PRKCB: variants seen among roughly 807,000 people sequenced by gnomAD.
PRKCB encodes protein kinase C beta.
A neutral mutation model predicts 81.5 loss-of-function variants in PRKCB; 13 were observed. The observed-to-expected ratio is 0.16, with a 90% CI of 0.10 to 0.25. PRKCB has a LOEUF of 0.25. Among genes scored for constraint, PRKCB ranks in the 10% least tolerant of loss-of-function variants. The pLI, the probability that PRKCB is intolerant of heterozygous loss-of-function variation, is 1.00. For synonymous variants in PRKCB, 335 were observed against 321.4 expected, an observed-to-expected ratio of 1.04 and a Z score of -0.45; for missense variants, 509 against 875.7, an observed-to-expected ratio of 0.58 and a Z score of 5.29.
At chr16:23,920,514 T>C (rs920795670) in intron 2 of PRKCB, among the ~76,000 whole-genome samples, 2 of 152,238 alleles carry the variant, frequency 1.3e-5, no homozygotes, top group Non-Finnish European at 1.5e-5. Context: ...TCATAAAATA[T>C]CATGCATCTT....
chr16:24,127,299 C>G (rs1966846233), intron 9 of PRKCB, among the ~76,000 whole-genome samples: 1 of 152,110 alleles, frequency 6.6e-6, no homozygotes, highest in African/African-American at 2.4e-5. Flanking sequence ...AGCCACCACG[C>G]CCGGCCATGA....
At chr16:23,836,773 G>GGGA (rs1962168773) in intron 1 of PRKCB, among the ~76,000 whole-genome samples, 2 of 151,512 alleles carry the variant, frequency 1.3e-5, no homozygotes, top group African/African-American at 4.8e-5. Flanking sequence ...GTTTCCGGGG[G>GGGA]GGGCGGCGCC....
rs71154259 is a variant in PRKCB at position 23,915,689 on chromosome 16, C to CAAAAAAAAA, written c.206-72804_206-72796dup. On this transcript the variant is annotated intron_variant, in intron 2 of 16. Coordinates refer to ENST00000643927, the MANE Select transcript of PRKCB (RefSeq NM_002738.7). ...CCTGGGCAAGAGTGAGACTCTCTATCAAAAAAAAAAAAAAAAAAAAAAAGC... is the reference window on the plus strand; with the variant it reads ...CCTGGGCAAGAGTGAGACTCTCTATCAAAAAAAAAAAAAAAAAAAAAAAAAAAAAAAAGC... Among the ~76,000 whole-genome samples, 356 of 54,498 alleles carry CAAAAAAAAA rather than the reference C, an allele frequency of 6.5e-3. 31 individuals are homozygous for CAAAAAAAAA. Among genetic ancestry groups the CAAAAAAAAA allele is most frequent in the African/African-American group, 0.016 (212 of 13,064 alleles). The allele number at this position is 54,498 out of a possible 152,430, so 35.8% of individuals were successfully genotyped here.
intron 2 of PRKCB, among the ~76,000 whole-genome samples, chr16:23,977,900 G>A (rs1283364420): frequency 2.6e-5 from 4 of 152,038 alleles, no homozygotes; most frequent in Non-Finnish European, 4.4e-5. Flanking sequence ...AGTGGTTTCC[G>A]AGTGTGGGAG....
chr16:24,051,783 GAGGA>G (rs1205153310), intron 5 of PRKCB, among the ~76,000 whole-genome samples: 1 of 152,134 alleles, frequency 6.6e-6, no homozygotes, highest in Admixed American at 6.5e-5. Context: ...TCAGGAGACT[GAGGA>G]AGGAGGATCA....
intron 7 of PRKCB, among the ~76,000 whole-genome samples, chr16:24,102,041 CA>C (rs1402599367): frequency 1.3e-5 from 2 of 152,176 alleles, no homozygotes; most frequent in African/African-American, 2.4e-5. Context: ...TAAGCATATA[CA>C]AATTCCATTC....
At chr16:24,017,032 C>A (rs1226817457) in intron 3 of PRKCB, among the ~76,000 whole-genome samples, 2 of 152,148 alleles carry the variant, frequency 1.3e-5, no homozygotes, top group Non-Finnish European at 2.9e-5. Flanking sequence ...CCAGCACAAT[C>A]TGGGAGAATA....
chr16:24,122,414 A>G (rs541162245), intron 8 of PRKCB, among the ~76,000 whole-genome samples: 1 of 149,578 alleles, frequency 6.7e-6, no homozygotes, highest in East Asian at 2.0e-4. Context: ...TCTGGGCCAC[A>G]CAGCTGATTC....
chr16:23,966,903 A>G (rs1228320873), intron 2 of PRKCB, among the ~76,000 whole-genome samples: 1 of 152,190 alleles, frequency 6.6e-6, no homozygotes, highest in Non-Finnish European at 1.5e-5. Flanking sequence ...CTGCATGAGA[A>G]TGTGGGCCCA....
At chr16:24,121,359 T>G (rs1038976241) in intron 8 of PRKCB, among the ~76,000 whole-genome samples, 1 of 152,194 alleles carries the variant, frequency 6.6e-6, no homozygotes, top group Non-Finnish European at 1.5e-5. Flanking sequence ...TAGCAGGTAC[T>G]CAACAAGAAT....
chr16:24,102,564 G>A (rs1481510674), intron 7 of PRKCB, among the ~76,000 whole-genome samples: 1 of 152,190 alleles, frequency 6.6e-6, no homozygotes, highest in Non-Finnish European at 1.5e-5. Context: ...AGCTGTGGAA[G>A]CTATCAGATG....
intron 2 of PRKCB, among the ~76,000 whole-genome samples, chr16:23,982,130 TTCCCTTTCCC>T (rs1964738079): frequency 2.4e-5 from 1 of 41,838 alleles, no homozygotes; most frequent in African/African-American, 1.2e-4. Context: ...TCCCCTTCCC[TTCCCTTTCCC>T]TTCCCTTTCC....
In PRKCB at chr16:24,215,093, C is replaced by A; in HGVS notation, c.*277C>A. On this transcript the variant is annotated 3_prime_UTR_variant, in exon 17 of 17. Transcript: ENST00000643927. ...TTCCGCAGCATGTCAGCTAAGTAGA[C>A]CCAATGGGGAGAGAAAATGCCTGCT... 8.7e-7 allele frequency: 1 copy of A among 1,152,238 alleles called. No individual in the cohort carries two copies. The highest frequency in any genetic ancestry group is 2.7e-5 in the South Asian group (1 of 37,718). 71.4% of individuals were successfully genotyped at this position (1,152,238 alleles called of 1,614,324 possible).
At chr16:23,889,179 C>T (rs1963252542) in intron 2 of PRKCB, among the ~76,000 whole-genome samples, 1 of 149,488 alleles carries the variant, frequency 6.7e-6, no homozygotes, top group Non-Finnish European at 1.5e-5. Flanking sequence ...TCCGTCCATC[C>T]ACATTCAATG....
At chr16:24,096,369 G>A (rs953092994) in intron 7 of PRKCB, among the ~76,000 whole-genome samples, 4 of 152,090 alleles carry the variant, frequency 2.6e-5, no homozygotes, top group Non-Finnish European at 5.9e-5. Context: ...CAAGCTGGGG[G>A]TTGGTTAGAT....
chr16:23,975,327 C>G (rs972263368), intron 2 of PRKCB, among the ~76,000 whole-genome samples: 3 of 152,082 alleles, frequency 2.0e-5, no homozygotes, highest in Non-Finnish European at 4.4e-5. Context: ...CCTCAGGAGG[C>G]ACAATTTGGT....
chr16:23,873,747 A>C (rs1962950790), intron 2 of PRKCB, among the ~76,000 whole-genome samples: 1 of 152,222 alleles, frequency 6.6e-6, no homozygotes, highest in African/African-American at 2.4e-5. Context: ...AGTTTCAGGA[A>C]AGTCTGCCAG....
At chr16:23,839,004 G>A (rs946451777) in intron 2 of PRKCB, among the ~76,000 whole-genome samples, 1 of 152,146 alleles carries the variant, frequency 6.6e-6, no homozygotes, top group Non-Finnish European at 1.5e-5. Flanking sequence ...CTTCTTTGAG[G>A]TTGCCTTTCA....
chr16:23,872,758 G>A lies in PRKCB; in HGVS notation c.205+35352G>A, dbSNP rs370298185. 1.6e-4 allele frequency among the ~76,000 whole-genome samples: 24 copies of A among 152,220 alleles called. 1 individual carries two copies. The South Asian group carries it at 4.2e-3, about 26-fold the overall frequency. ...GTGTATGGAAAGCACTGATTGCTGAGCAGATGGTGAGCATCTCTGAGTAGG... is the reference window on the plus strand; with the variant it reads ...GTGTATGGAAAGCACTGATTGCTGAACAGATGGTGAGCATCTCTGAGTAGG... On this transcript the variant is annotated intron_variant, in intron 2 of 16. Transcript: ENST00000643927.
Sources: gnomAD v4.1 joint callset for allele counts (sites outside exome capture counted in the v4.1 genomes callset) on GRCh38, gnomAD v4.1.1 for gene constraint, MANE v1.5 for transcripts, NCBI Gene and HGNC (gene_info 2026-07-23, HGNC 2026-07-21) for gene names.